CNNM3: variants seen among roughly 807,000 people sequenced by gnomAD.
CNNM3 encodes the protein cyclin and CBS domain divalent metal cation transport mediator 3.
Under a neutral mutation model 57.1 loss-of-function variants are expected in CNNM3, and 47 were observed. The observed-to-expected ratio is 0.82, with a 90% confidence interval of 0.65 to 1.05. The LOEUF is 1.05. CNNM3 is among the 50% of genes least tolerant of loss of function. The pLI is 0.00. For synonymous variants in CNNM3, 507 were observed against 478.2 expected (o/e 1.06, Z -0.79); for missense variants, 957 against 973.7 (o/e 0.98, Z 0.23).
In CNNM3 at chr2:96,817,042, G is replaced by A; in HGVS notation, c.765G>A (p.Ala255=). 7.3e-7 allele frequency: 1 copy of A among 1,369,838 alleles called. No homozygotes were observed. Among genetic ancestry groups the A allele is most frequent in the Non-Finnish European group, 9.4e-7 (1 of 1,059,700 alleles). 84.9% of individuals were successfully genotyped at this position (1,369,838 alleles called of 1,614,324 possible). Residue 255 remains alanine, a synonymous_variant, in exon 1 of 8, where the codon GCG becomes GCA. Transcript: ENST00000305510. ...GGACGCTGGCGCTGGCGCCGCGAGC[G>A]CTCGGCCTCAGCCGCCTGGCCGTCC... is the stretch of plus-strand genomic sequence containing the variant. ...GRWTLALAPR[A]LGLSRLAVLL...
At position 96,828,082 on chromosome 2, in the gene CNNM3, C is replaced by T; in HGVS notation, c.1690-17C>T. On this transcript the variant is annotated splice_polypyrimidine_tract_variant and intron_variant, in intron 4 of 7. Transcript: ENST00000305510. Reference sequence around the variant, plus strand: ...TAATCTGGCCGCATCTGTTTCTCTCCTTGCCACTCCTCCCAGGGCAGGGTT... The same window carrying T: ...TAATCTGGCCGCATCTGTTTCTCTCTTTGCCACTCCTCCCAGGGCAGGGTT... The T allele has an allele frequency of 2.5e-6, 4 of 1,610,894 alleles. No homozygotes were observed. The highest frequency in any genetic ancestry group is 3.4e-6 in the Non-Finnish European group (4 of 1,177,230).
At position 96,824,805 on chromosome 2, in the gene CNNM3, C is replaced by G. The variant is rs116888947; in HGVS notation, c.1226-253C>G. On this transcript the variant is annotated intron_variant, in intron 1 of 7. Coordinates refer to ENST00000305510, the MANE Select transcript of CNNM3 (RefSeq NM_017623.5). The stretch of plus-strand genomic sequence containing the variant: ...TGGAGCTGGATCCCAGCTCTGCCAG[C>G]TCTGCCTGGGGGGCCTTGTGCAGAT... 3.1e-4 allele frequency: 153 copies of G among 497,948 alleles called. No homozygotes were observed. The East Asian group carries it at 4.2e-3, about 14-fold the overall frequency. The allele number at this position is 497,948 out of a possible 1,614,324, so 30.8% of individuals were successfully genotyped here. A position where few individuals can be genotyped will look rare whatever the true frequency, so the allele number is the denominator to read the frequency against.
downstream of CNNM3, among the ~76,000 whole-genome samples, chr2:96,835,782 CAT>C (rs760276180): frequency 1.3e-5 from 2 of 152,140 alleles, no homozygotes; most frequent in African/African-American, 2.4e-5. Flanking sequence ...CTGTCAAACT[CAT>C]GTCCTCACCG....
At chr2:96,827,044 G>A (rs929294996) in intron 3 of CNNM3, 62 bp downstream of exon 3, 31 of 1,561,160 alleles carry the variant, frequency 2.0e-5, no homozygotes, top group East Asian at 1.6e-4. Context: ...TCAGGAGGCC[G>A]CCCAGGGCCG....
downstream of CNNM3, among the ~76,000 whole-genome samples, chr2:96,835,759 A>G (rs939047306): frequency 2.6e-5 from 4 of 152,082 alleles, no homozygotes; most frequent in Non-Finnish European, 5.9e-5. Context: ...GAGCCACCGC[A>G]CCTGGCCACA....
Position 96,817,317 on chromosome 2 carries a change from C to T in CNNM3, c.1040C>T (p.Thr347Met), listed in dbSNP as rs752549461. ...VLASIMQSGH[T>M]RIPVYEEERS... is the part of the protein sequence containing the mutation. Reference sequence around the variant, plus strand: ...GCCAGCATCATGCAGAGCGGCCACACGCGCATCCCGGTGTACGAGGAGGAG... The same window carrying T: ...GCCAGCATCATGCAGAGCGGCCACATGCGCATCCCGGTGTACGAGGAGGAG... Residue 347 changes from threonine to methionine, a missense_variant, in exon 1 of 8, where the codon ACG becomes ATG. Physicochemically the swap from Thr to Met is moderately conservative, Grantham distance 81. Transcript: ENST00000305510. 6.2e-7 allele frequency: 1 copy of T among 1,613,932 alleles called. No individual in the cohort carries two copies. Among genetic ancestry groups the T allele is most frequent in the Non-Finnish European group, 8.5e-7 (1 of 1,180,054 alleles).
rs747968883 is a variant in CNNM3 at position 96,833,032 on chromosome 2, T to G, written c.*416T>G. On this transcript the variant is annotated 3_prime_UTR_variant, in exon 8 of 8. Coordinates refer to ENST00000305510, the MANE Select transcript of CNNM3 (RefSeq NM_017623.5). Reference sequence around the variant, plus strand: ...TGACCTCTATTTGTTTGCTTTTAATTTGCCAACCTATCGCTGCTGGCAGCA... The same window carrying G: ...TGACCTCTATTTGTTTGCTTTTAATGTGCCAACCTATCGCTGCTGGCAGCA... The G allele has an allele frequency of 2.8e-5, 36 of 1,301,940 alleles. No individual in the cohort carries two copies. The South Asian group carries it at 4.3e-4, about 16-fold the overall frequency. 80.6% of individuals were successfully genotyped at this position (1,301,940 alleles called of 1,614,324 possible).
intron 1 of CNNM3, among the ~76,000 whole-genome samples, chr2:96,818,588 C>G (rs1469974155): frequency 3.3e-5 from 5 of 152,158 alleles, no homozygotes; most frequent in Non-Finnish European, 5.9e-5. Flanking sequence ...CTCAAGTTCT[C>G]CCTTAACTCC....
rs555101174 is a variant in CNNM3, at chr2:96,819,833, G to A, written c.1225+2331G>A. On this transcript the variant is annotated intron_variant, in intron 1 of 7. Coordinates refer to ENST00000305510, the MANE Select transcript of CNNM3 (RefSeq NM_017623.5). ...AGTTGGTCATGATGCTCAGGATGAG[G>A]CTGGTGAAAGTGGTCTTTCATTTTC... Among the ~76,000 whole-genome samples the A allele has an allele frequency of 3.3e-5, 5 of 152,150 alleles. No homozygotes were observed. The East Asian group carries it at 9.6e-4, about 29-fold the overall frequency.
intron 7 of CNNM3, 160 bp downstream of exon 7, chr2:96,829,294 TA>T: frequency 1.2e-6 from 1 of 845,106 alleles, no homozygotes; most frequent in Non-Finnish European, 1.4e-6. Flanking sequence ...TATATATAAA[TA>T]ATTTTTTTTT....
chr2:96,816,900 C>T lies in CNNM3; in HGVS notation c.623C>T (p.Ala208Val). 2.8e-5 allele frequency: 32 copies of T among 1,127,902 alleles called. No homozygotes were observed. Among genetic ancestry groups the T allele is most frequent in the Non-Finnish European group, 3.4e-5 (31 of 924,766 alleles). The allele number at this position is 1,127,902 out of a possible 1,614,324, so 69.9% of individuals were successfully genotyped here. A position where few individuals can be genotyped will look rare whatever the true frequency, so the allele number is the denominator to read the frequency against. Reference protein sequence around the residue: ...LLLLASLAQAALAVLLYRAAG... With the variant: ...LLLLASLAQAVLAVLLYRAAG... ...CTGCTGGCCAGCCTGGCGCAGGCGG[C>T]GCTGGCGGTGCTGCTGTACCGCGCG... The change falls in exon 1 of 8, where the codon GCG becomes GTG. Residue 208 changes from alanine to valine, a missense_variant. Around this residue, in one of 2 missense-constraint regions of CNNM3, gnomAD observed 466 missense variants for 403.1 expected, o/e 1.16. Coordinates refer to ENST00000305510, the MANE Select transcript of CNNM3 (RefSeq NM_017623.5).
chr2:96,819,277 TGTG>T (rs986172592), intron 1 of CNNM3, among the ~76,000 whole-genome samples: 10 of 152,280 alleles, frequency 6.6e-5, no homozygotes, highest in African/African-American at 2.4e-4. Flanking sequence ...GTTCTCCTGG[TGTG>T]GTGGCCAACA....
downstream of CNNM3, among the ~76,000 whole-genome samples, chr2:96,835,558 TC>T (rs2153357753): frequency 6.6e-6 from 1 of 151,158 alleles, no homozygotes; most frequent in South Asian, 2.1e-4. Flanking sequence ...AAGCTCTGCC[TC>T]CCGGGTTCAT....
In CNNM3 at chr2:96,825,075, A is replaced by G. The variant is rs1183508335; in HGVS notation, c.1243A>G (p.Ile415Val). 5.0e-6 allele frequency: 8 copies of G among 1,612,894 alleles called. No individual in the cohort carries two copies. Among genetic ancestry groups the G allele is most frequent in the Non-Finnish European group, 3.4e-6 (4 of 1,179,996 alleles). The change falls in exon 2 of 8, where the codon ATC (isoleucine) becomes GTC (valine). Residue 415 changes from isoleucine (I) to valine (V), a missense_variant. Ile to Val is a conservative substitution (Grantham distance 29). This residue lies in a region of CNNM3 where 491 missense variants were observed against 570.6 expected (regional missense o/e 0.86). Transcript: ENST00000305510. ...EFKRGKSHLAIVQKVNNEGEG... is the reference protein window; with the variant it reads ...EFKRGKSHLAVVQKVNNEGEG... The stretch of plus-strand genomic sequence containing the variant: ...CCCCACAGGGAAGTCCCACCTGGCC[A>G]TCGTGCAGAAGGTGAACAACGAGGG...
At chr2:96,824,113 T>C (rs1168323262) in intron 1 of CNNM3, among the ~76,000 whole-genome samples, 6 of 152,212 alleles carry the variant, frequency 3.9e-5, no homozygotes, top group Non-Finnish European at 1.5e-5. Flanking sequence ...TTGCATTCTG[T>C]TTTTTTCAGA....
intron 5 of CNNM3, 185 bp from the exon 6 acceptor site, chr2:96,828,382 C>A: frequency 4.7e-6 from 4 of 843,824 alleles, no homozygotes; most frequent in South Asian, 1.7e-5. Context: ...AACTTTGTGG[C>A]CCACTCCACC....
At chr2:96,822,007 T>TATTA (rs1192990376) in intron 1 of CNNM3, among the ~76,000 whole-genome samples, 91 of 144,210 alleles carry the variant, frequency 6.3e-4, no homozygotes, top group African/African-American at 2.2e-3. Flanking sequence ...TTATTATTAT[T>TATTA]TTTTTTTTTT....
chr2:96,836,449 C>G (rs1393734336), downstream of CNNM3, among the ~76,000 whole-genome samples: 2 of 152,074 alleles, frequency 1.3e-5, no homozygotes, highest in Non-Finnish European at 2.9e-5. Context: ...CCATGTTGGT[C>G]AGGCTGGTCT....
rs565272869 is a variant in CNNM3, at chr2:96,823,083, T to C, written c.1226-1975T>C. 2.0e-5 allele frequency among the ~76,000 whole-genome samples: 3 copies of C among 152,298 alleles called. No homozygotes were observed. In the East Asian group the frequency reaches 5.8e-4, roughly 29 times the overall value. On this transcript the variant is annotated intron_variant, in intron 1 of 7. Transcript: ENST00000305510. ...CTGTCCCTCTGCTGTCATCTTTGGC[T>C]GCCATCTAGACCCCTCAGACATTCT...
Sources: allele counts gnomAD v4.1 joint callset (sites outside exome capture counted in the v4.1 genomes callset), GRCh38; gene constraint gnomAD v4.1.1; regional missense constraint gnomAD v4.1.1; transcripts MANE v1.5; gene names NCBI Gene and HGNC (gene_info 2026-07-23, HGNC 2026-07-21).